NAALADL2: variants seen among roughly 807,000 people sequenced by gnomAD.
NAALADL2 encodes the protein inactive N-acetylated-alpha-linked acidic dipeptidase-like protein 2.
In NAALADL2, 76 loss-of-function variants were observed where a neutral mutation model predicts 87.2. That is an observed-to-expected ratio of 0.87 (90% CI 0.72 to 1.05). The LOEUF is 1.05. Ranked by LOEUF, NAALADL2 falls within the 50% of genes least tolerant of loss-of-function variation. The pLI, the probability that NAALADL2 is intolerant of heterozygous loss-of-function variation, is 0.00. For synonymous variants in NAALADL2, 354 were observed against 331.0 expected (o/e 1.07, Z -0.75); for missense variants, 1,089 against 945.8 (o/e 1.15, Z -1.99).
At position 175,628,609 on chromosome 3, in the gene NAALADL2, C is replaced by CTATGTGTATATATA. The variant is rs10663163; in HGVS notation, c.1896+1224_1896+1225insATGTGTATATATAT. On this transcript the variant is annotated intron_variant, in intron 11 of 13. Coordinates refer to ENST00000454872, the MANE Select transcript of NAALADL2 (RefSeq NM_207015.3). The stretch of plus-strand genomic sequence containing the variant: ...TTTTAGTACCATTAAAATAATCTCT[C>CTATGTGTATATATA]TCTCTATGTATATATATATATATAT... Among the ~76,000 whole-genome samples, 188 of 132,220 alleles carry CTATGTGTATATATA rather than the reference C, an allele frequency of 1.4e-3. 1 individual carries two copies. The highest frequency in any genetic ancestry group is 5.3e-3 in the African/African-American group (182 of 34,352). The allele number at this position is 132,220 out of a possible 152,430, so 86.7% of individuals were successfully genotyped here.
intron 3 of NAALADL2, among the ~76,000 whole-genome samples, chr3:174,848,742 T>C (rs897133648): frequency 6.6e-6 from 1 of 152,208 alleles, no homozygotes. Flanking sequence ...ATAATGGGGA[T>C]ACATTCTGAG....
chr3:175,430,956 C>T (rs1717650320), intron 5 of NAALADL2, among the ~76,000 whole-genome samples: 1 of 152,030 alleles, frequency 6.6e-6, no homozygotes, highest in African/African-American at 2.4e-5. Flanking sequence ...TCTAGCATCT[C>T]ATTGATATTT....
chr3:174,880,743 C>A (rs925995141), intron 1 of NAALADL2, among the ~76,000 whole-genome samples: 1 of 152,130 alleles, frequency 6.6e-6, no homozygotes, highest in South Asian at 2.1e-4. Flanking sequence ...ATATTCGTTT[C>A]TTCAGGCTGC....
intron 2 of NAALADL2, among the ~76,000 whole-genome samples, chr3:175,135,625 A>T (rs1389239634): frequency 6.6e-6 from 1 of 152,144 alleles, no homozygotes; most frequent in African/African-American, 2.4e-5. Flanking sequence ...GTCAAATTGT[A>T]ACAAGAGGCC....
At chr3:174,485,035 T>C (rs1347604773) in intron 1 of NAALADL2, among the ~76,000 whole-genome samples, 2 of 152,054 alleles carry the variant, frequency 1.3e-5, no homozygotes, top group African/African-American at 4.8e-5. Flanking sequence ...CAGTTCTCCA[T>C]TATAATATAC....
intron 1 of NAALADL2, among the ~76,000 whole-genome samples, chr3:174,475,608 T>C (rs1320588193): frequency 6.6e-6 from 1 of 152,042 alleles, no homozygotes; most frequent in East Asian, 1.9e-4. Flanking sequence ...TCATTCATTC[T>C]GCAGATATTA....
intron 1 of NAALADL2, among the ~76,000 whole-genome samples, chr3:174,982,986 G>T (rs970755425): frequency 6.6e-6 from 1 of 152,102 alleles, no homozygotes; most frequent in African/African-American, 2.4e-5. Context: ...TTTTAGTAGA[G>T]ACGGGGTTTC....
intron 3 of NAALADL2, among the ~76,000 whole-genome samples, chr3:174,793,898 G>T (rs1280022654): frequency 6.6e-6 from 1 of 151,690 alleles, no homozygotes; most frequent in Non-Finnish European, 1.5e-5. Context: ...AGGCAGGTTA[G>T]AAGATACAGT....
At chr3:174,715,685 A>G (rs1467877149) in intron 2 of NAALADL2, among the ~76,000 whole-genome samples, 3 of 152,140 alleles carry the variant, frequency 2.0e-5, no homozygotes, top group African/African-American at 7.2e-5. Flanking sequence ...GCATTCTTGC[A>G]TTGTGTTGTT....
At chr3:174,524,510 TCAGCAAGGGACCA>T (rs1720548994) in intron 1 of NAALADL2, among the ~76,000 whole-genome samples, 1 of 152,074 alleles carries the variant, frequency 6.6e-6, no homozygotes, top group Admixed American at 6.6e-5. Flanking sequence ...AATGTTTCAT[TCAGCAAGGGACCA>T]CATATATTTA....
chr3:175,051,637 C>T (rs532892003), intron 1 of NAALADL2, among the ~76,000 whole-genome samples: 16 of 152,258 alleles, frequency 1.1e-4, no homozygotes, highest in South Asian at 6.2e-4. Context: ...TAACCATGGG[C>T]GCAACATCCT....
intron 10 of NAALADL2, among the ~76,000 whole-genome samples, chr3:175,577,872 T>C (rs936616619): frequency 6.6e-6 from 1 of 152,140 alleles, no homozygotes; most frequent in African/African-American, 2.4e-5. Context: ...TAGATATTGG[T>C]ATACAGCTAT....
At chr3:174,982,828 C>T (rs890387577) in intron 1 of NAALADL2, among the ~76,000 whole-genome samples, 21 of 151,594 alleles carry the variant, frequency 1.4e-4, no homozygotes, top group African/African-American at 4.9e-4. Flanking sequence ...GACGGAGTCT[C>T]GCTCTGTTGC....
At chr3:174,894,377 G>A (rs1244923467) in intron 1 of NAALADL2, among the ~76,000 whole-genome samples, 4 of 151,754 alleles carry the variant, frequency 2.6e-5, no homozygotes, top group African/African-American at 9.7e-5. Context: ...GATCACCTGA[G>A]GTCAGGAGTT....
At chr3:175,586,860 T>G (rs141023257) in intron 10 of NAALADL2, among the ~76,000 whole-genome samples, 233 of 152,334 alleles carry the variant, frequency 1.5e-3, no homozygotes, top group African/African-American at 5.3e-3. Flanking sequence ...TGCTTAGAAA[T>G]AATAACATTG....
intron 2 of NAALADL2, among the ~76,000 whole-genome samples, chr3:174,684,652 A>C (rs1436173290): frequency 6.6e-6 from 1 of 152,134 alleles, no homozygotes; most frequent in Non-Finnish European, 1.5e-5. Flanking sequence ...CTAATGTGAC[A>C]GTTCATGGAA....
chr3:175,294,356 T>TG (rs1295878001), intron 4 of NAALADL2, among the ~76,000 whole-genome samples: 1 of 144,040 alleles, frequency 6.9e-6, no homozygotes, highest in Non-Finnish European at 1.5e-5. Context: ...TTCACCACTG[T>TG]GTATAGAAAA....
intron 13 of NAALADL2, among the ~76,000 whole-genome samples, chr3:175,758,950 G>A (rs896044036): frequency 1.3e-5 from 2 of 152,016 alleles, no homozygotes; most frequent in African/African-American, 4.8e-5. Flanking sequence ...ACTGTGTAAA[G>A]CCAAATACTT....
chr3:175,468,647 T>C (rs914832485), intron 8 of NAALADL2, among the ~76,000 whole-genome samples: 1 of 152,076 alleles, frequency 6.6e-6, no homozygotes, highest in Non-Finnish European at 1.5e-5. Context: ...CTAGTAACTG[T>C]CACAATTAAT....
Sources: allele counts gnomAD v4.1 joint callset (sites outside exome capture counted in the v4.1 genomes callset), GRCh38; gene constraint gnomAD v4.1.1; transcripts MANE v1.5; gene names NCBI Gene and HGNC (gene_info 2026-07-23, HGNC 2026-07-21).